Variants in EPS15L1 observed in about 807,000 individuals in gnomAD.
EPS15L1 encodes epidermal growth factor receptor substrate 15-like 1.
EPS15L1 carries 43 observed loss-of-function variants against 117.1 expected under a neutral mutation model. The observed-to-expected ratio is 0.37, with a 90% confidence interval of 0.29 to 0.47. The LOEUF is 0.47. Among genes scored for constraint, EPS15L1 ranks in the 20% least tolerant of loss-of-function variants. The pLI, the probability that EPS15L1 is intolerant of heterozygous loss-of-function variation, is 0.99. For missense variants in EPS15L1, 981 were observed against 1,164.0 expected, an observed-to-expected ratio of 0.84 and a Z score of 2.29; for synonymous variants, 459 against 470.5, an observed-to-expected ratio of 0.98 and a Z score of 0.32.
At chr19:16,367,220 C>T (rs2092145489) in intron 22 of EPS15L1, among the ~76,000 whole-genome samples, 1 of 151,204 alleles carries the variant, frequency 6.6e-6, no homozygotes, top group African/African-American at 2.4e-5. Flanking sequence ...GCCATCAATC[C>T]TAGATATTTG....
At position 16,385,105 on chromosome 19, in the gene EPS15L1, G is replaced by A. The variant is rs760297835; in HGVS notation, c.2247+24C>T. 1.6e-5 allele frequency: 26 copies of A among 1,598,590 alleles called. No homozygotes were observed. In the Admixed American group the frequency reaches 2.8e-4, roughly 17 times the overall value. On this transcript the variant is annotated intron_variant, in intron 21 of 23. Transcript: ENST00000455140. ...GGCACAAAGACACTAGCAGAGGCGC[G>A]GGGGCTCCGTGGAGGGGCTTTACCT...
intron 7 of EPS15L1, among the ~76,000 whole-genome samples, chr19:16,431,940 A>C (rs1019633460): frequency 6.6e-6 from 1 of 152,222 alleles, no homozygotes; most frequent in African/African-American, 2.4e-5. Flanking sequence ...TTTCTAACCA[A>C]ACGTGGATAC....
intron 23 of EPS15L1, among the ~76,000 whole-genome samples, chr19:16,360,064 GTTTT>G (rs71885683): frequency 7.2e-6 from 1 of 139,474 alleles, no homozygotes; most frequent in African/African-American, 2.6e-5. Context: ...AACCTTGGGT[GTTTT>G]TTTTTTTTTT....
rs1371609535 is a variant in EPS15L1 at position 16,422,033 on chromosome 19, A to T, written c.793-557T>A. Among the ~76,000 whole-genome samples the T allele has an allele frequency of 2.0e-5, 3 of 152,306 alleles. No individual in the cohort carries two copies. The East Asian group carries it at 5.8e-4, about 29-fold the overall frequency. On this transcript the variant is annotated intron_variant, in intron 9 of 23. Transcript: ENST00000455140. ...GAGTACACACACGTCACTGACAGGT[A>T]ACAAATGAGACACCACCATCCAAGA...
chr19:16,388,646 T>C (rs1278556906), intron 19 of EPS15L1, among the ~76,000 whole-genome samples: 1 of 151,664 alleles, frequency 6.6e-6, no homozygotes, highest in Non-Finnish European at 1.5e-5. Flanking sequence ...GCTAACATGG[T>C]CAAACCCCGT....
chr19:16,356,097 G>A (rs1025382836), intron 23 of EPS15L1, among the ~76,000 whole-genome samples: 6 of 152,220 alleles, frequency 3.9e-5, no homozygotes, highest in African/African-American at 1.2e-4. Flanking sequence ...CATGACCTCT[G>A]GGCCTCAAAG....
chr19:16,453,296 G>A (rs899207574), intron 1 of EPS15L1, among the ~76,000 whole-genome samples: 2 of 151,994 alleles, frequency 1.3e-5, no homozygotes, highest in African/African-American at 4.8e-5. Context: ...GTAGAGACGG[G>A]GTCTTGCTTT....
chr19:16,417,680 A>T, intron 11 of EPS15L1, 43 bp from the exon 12 acceptor site: 1 of 1,503,908 alleles, frequency 6.6e-7, no homozygotes, highest in Non-Finnish European at 9.3e-7. Context: ...TAGCAACCTG[A>T]CATCACCTGA....
chr19:16,430,965 T>C (rs1182448941), intron 7 of EPS15L1, among the ~76,000 whole-genome samples: 2 of 152,146 alleles, frequency 1.3e-5, no homozygotes, highest in Non-Finnish European at 2.9e-5. Flanking sequence ...CCGGGCACAG[T>C]GGCTCACGAC....
At chr19:16,427,413 T>C (rs2092882884) in intron 8 of EPS15L1, among the ~76,000 whole-genome samples, 1 of 152,206 alleles carries the variant, frequency 6.6e-6, no homozygotes, top group Non-Finnish European at 1.5e-5. Flanking sequence ...TGGTTCAGCA[T>C]TACTAATCCA....
chr19:16,401,379 GCTCA>G, intron 16 of EPS15L1: 3 of 985,450 alleles, frequency 3.0e-6, no homozygotes, highest in Non-Finnish European at 3.6e-6. Flanking sequence ...GAGCACGAGC[GCTCA>G]CTCTTATTCC....
chr19:16,459,326 C>T (rs528129076), intron 1 of EPS15L1, among the ~76,000 whole-genome samples: 1 of 152,344 alleles, frequency 6.6e-6, no homozygotes, highest in Non-Finnish European at 1.5e-5. Context: ...ACAAGGGACA[C>T]TTCCTGAAGT....
intron 21 of EPS15L1, among the ~76,000 whole-genome samples, 165 bp downstream of exon 21, chr19:16,384,964 G>A (rs571987834): frequency 1.8e-4 from 27 of 152,308 alleles, no homozygotes; most frequent in African/African-American, 2.6e-4. Flanking sequence ...CGGGACTGCA[G>A]TGCATTGGAT....
chr19:16,450,527 C>T (rs1354051715), intron 1 of EPS15L1, among the ~76,000 whole-genome samples: 6 of 141,082 alleles, frequency 4.3e-5, no homozygotes, highest in Non-Finnish European at 6.0e-5. Context: ...GTTGCCCAGG[C>T]TGGAGTGCAA....
chr19:16,358,562 G>C (rs937228456), intron 23 of EPS15L1, among the ~76,000 whole-genome samples: 2 of 152,168 alleles, frequency 1.3e-5, no homozygotes, highest in Non-Finnish European at 2.9e-5. Flanking sequence ...CACCACCCTA[G>C]CCGAGGCCTG....
intron 1 of EPS15L1, among the ~76,000 whole-genome samples, chr19:16,457,386 C>T (rs2607278): frequency 0.37 from 56,038 of 151,950 alleles, 11,079 homozygotes; most frequent in African/African-American, 0.52. Context: ...ACCCAGGGCA[C>T]CAGGAGACCT....
intron 1 of EPS15L1, among the ~76,000 whole-genome samples, chr19:16,465,986 A>ATTTT (rs1210019369): frequency 1.2e-3 from 156 of 126,192 alleles, no homozygotes; most frequent in Non-Finnish European, 1.9e-3. Flanking sequence ...CACTTTATCT[A>ATTTT]TTTTTTTTTT....
At chr19:16,446,069 A>C (rs1036467445) in intron 1 of EPS15L1, among the ~76,000 whole-genome samples, 4 of 152,216 alleles carry the variant, frequency 2.6e-5, no homozygotes, top group Non-Finnish European at 5.9e-5. Flanking sequence ...GCCCAGAAAC[A>C]ATTTACAAGT....
chr19:16,375,443 G>A (rs377184653), intron 22 of EPS15L1, among the ~76,000 whole-genome samples: 1 of 151,226 alleles, frequency 6.6e-6, no homozygotes, highest in Non-Finnish European at 1.5e-5. Context: ...CCAGCTGTGT[G>A]CATGCATTGT....
Sources: allele counts gnomAD v4.1 joint callset (sites outside exome capture counted in the v4.1 genomes callset), GRCh38; gene constraint gnomAD v4.1.1; transcripts MANE v1.5; gene names NCBI Gene and HGNC (gene_info 2026-07-23, HGNC 2026-07-21).